The following THADA variants were observed in gnomAD, a reference collection of about 807,000 sequenced individuals.
THADA encodes tRNA (32-2'-O)-methyltransferase regulator THADA.
THADA carries 213 observed loss-of-function variants against 219.8 expected under a neutral mutation model. The ratio of observed to expected loss-of-function variants is 0.97; its 90% confidence interval spans 0.87 to 1.09. The LOEUF is 1.09. Among genes scored for constraint, THADA ranks in the 50% least tolerant of loss-of-function variants. The probability of loss-of-function intolerance (pLI) is 0.00; values close to 1 mark genes in which losing one functional copy is unlikely to be tolerated. For synonymous variants in THADA, 1,018 were observed against 828.9 expected, an observed-to-expected ratio of 1.23 and a Z score of -3.92; for missense variants, 2,956 against 2,311.3, an observed-to-expected ratio of 1.28 and a Z score of -5.72.
At chr2:43,268,639 C>T (rs765042025) in intron 36 of THADA, among the ~76,000 whole-genome samples, 12 of 152,252 alleles carry the variant, frequency 7.9e-5, no homozygotes, top group South Asian at 2.1e-4. Context: ...TCACCCTTTA[C>T]GCCTCCTTGG....
chr2:43,453,028 C>G (rs892710847), intron 26 of THADA, among the ~76,000 whole-genome samples: 3 of 152,166 alleles, frequency 2.0e-5, no homozygotes, highest in Non-Finnish European at 4.4e-5. Context: ...TGAACCGATG[C>G]TTTTTGTAAG....
intron 26 of THADA, chr2:43,430,733 C>T (rs908104920): frequency 1.1e-4 from 50 of 446,434 alleles, no homozygotes; most frequent in Middle Eastern, 6.5e-4. Context: ...CCAAATAACT[C>T]TTTGTTTCAG....
chr2:43,364,175 G>C (rs1669857292), intron 29 of THADA, among the ~76,000 whole-genome samples: 1 of 152,092 alleles, frequency 6.6e-6, no homozygotes, highest in African/African-American at 2.4e-5. Flanking sequence ...AGTGAGCCGA[G>C]ATCTGCTGCT....
At chr2:43,388,624 C>CT (rs1278251268) in intron 29 of THADA, among the ~76,000 whole-genome samples, 1 of 152,186 alleles carries the variant, frequency 6.6e-6, no homozygotes, top group East Asian at 1.9e-4. Flanking sequence ...GAATAACAAC[C>CT]TGATAGGCAA....
At chr2:43,575,607 G>A (rs982609565) in intron 10 of THADA, among the ~76,000 whole-genome samples, 2 of 152,064 alleles carry the variant, frequency 1.3e-5, no homozygotes, top group Non-Finnish European at 2.9e-5. Flanking sequence ...TGCGATCTCG[G>A]CTCACTGCAA....
intron 1 of THADA, among the ~76,000 whole-genome samples, chr2:43,593,758 C>T (rs1428276907): frequency 2.6e-5 from 4 of 151,876 alleles, no homozygotes; most frequent in African/African-American, 9.7e-5. Context: ...CTCAGCCTCC[C>T]GAGTAGCTGG....
chr2:43,311,735 A>G (rs996144566), intron 31 of THADA, among the ~76,000 whole-genome samples: 9 of 152,392 alleles, frequency 5.9e-5, no homozygotes, highest in African/African-American at 2.2e-4. Context: ...ATGTTAAGTG[A>G]AAGAATCCAC....
intron 24 of THADA, among the ~76,000 whole-genome samples, chr2:43,500,509 C>T (rs1688817655): frequency 6.6e-6 from 1 of 152,100 alleles, no homozygotes; most frequent in Non-Finnish European, 1.5e-5. Flanking sequence ...TGCAAGAATG[C>T]AAAGATAAAT....
intron 9 of THADA, among the ~76,000 whole-genome samples, 195 bp downstream of exon 9, chr2:43,578,314 CTTTT>C (rs34796084): frequency 7.1e-6 from 1 of 141,684 alleles, no homozygotes. Context: ...AGCAAATTTT[CTTTT>C]TTTTTTTTTG....
chr2:43,528,066 G>C, intron 21 of THADA, 78 bp from the exon 22 acceptor site: 12 of 913,732 alleles, frequency 1.3e-5, no homozygotes, highest in Non-Finnish European at 1.2e-5. Context: ...ACACTGTTTA[G>C]AACCCAGGTC....
intron 29 of THADA, among the ~76,000 whole-genome samples, chr2:43,347,204 G>A (rs1381269338): frequency 6.6e-6 from 1 of 152,120 alleles, no homozygotes; most frequent in Non-Finnish European, 1.5e-5. Flanking sequence ...GCGGCTTTGG[G>A]CAACTTAACC....
intron 36 of THADA, among the ~76,000 whole-genome samples, chr2:43,270,806 C>G (rs1188757374): frequency 6.6e-6 from 1 of 152,158 alleles, no homozygotes; most frequent in Non-Finnish European, 1.5e-5. Context: ...ACAAGTGTGC[C>G]TGTGAACAGC....
At chr2:43,538,273 C>T (rs998641372) in intron 21 of THADA, among the ~76,000 whole-genome samples, 2 of 152,158 alleles carry the variant, frequency 1.3e-5, no homozygotes, top group Admixed American at 6.5e-5. Flanking sequence ...ATCAACTAGT[C>T]AGGAAGTTGT....
At chr2:43,374,601 T>A (rs1671167785) in intron 29 of THADA, among the ~76,000 whole-genome samples, 1 of 152,176 alleles carries the variant, frequency 6.6e-6, no homozygotes, top group South Asian at 2.1e-4. Flanking sequence ...ATAAGAAATA[T>A]TTTTAAAATG....
Position 43,231,047 on chromosome 2 carries a change from C to G in THADA, c.5763G>C (p.Leu1921Phe), listed in dbSNP as rs940254506. 6.2e-7 allele frequency: 1 copy of G among 1,613,860 alleles called. No individual in the cohort carries two copies. The highest frequency in any genetic ancestry group is 8.5e-7 in the Non-Finnish European group (1 of 1,179,852). Residue 1921 changes from leucine to phenylalanine, a missense_variant, in exon 38 of 38, where the codon TTG becomes TTC. Transcript: ENST00000405975. ...GGGTGTCTTCCCCTTCCTTTCCTTC[C>G]AAAAAGGCCAGCAGCCTCAAGCAAG... ...TLACLRLLAFLEGKEGEDTLV... is the reference protein window; with the variant it reads ...TLACLRLLAFFEGKEGEDTLV...
chr2:43,266,357 C>T (rs1304698607), intron 36 of THADA, among the ~76,000 whole-genome samples: 3 of 152,224 alleles, frequency 2.0e-5, no homozygotes, highest in East Asian at 1.9e-4. Flanking sequence ...TTTGGGAGGC[C>T]GAGGCGGGCG....
At chr2:43,304,786 C>T (rs1676665584) in intron 31 of THADA, among the ~76,000 whole-genome samples, 1 of 152,048 alleles carries the variant, frequency 6.6e-6, no homozygotes, top group Admixed American at 6.5e-5. Flanking sequence ...GTTCTGCTGC[C>T]TCAGCCTCCC....
chr2:43,430,829 C>A (rs932046631), intron 26 of THADA, among the ~76,000 whole-genome samples: 5 of 152,154 alleles, frequency 3.3e-5, no homozygotes, highest in South Asian at 2.1e-4. Flanking sequence ...CCCTCCCCAA[C>A]AATCATGACA....
chr2:43,348,959 G>A (rs572563263), intron 29 of THADA, among the ~76,000 whole-genome samples: 6 of 152,286 alleles, frequency 3.9e-5, no homozygotes, highest in African/African-American at 1.4e-4. Flanking sequence ...AAGGGTTAGA[G>A]GTGGACATAG....
Sources: allele counts gnomAD v4.1 joint callset (sites outside exome capture counted in the v4.1 genomes callset), GRCh38; gene constraint gnomAD v4.1.1; transcripts MANE v1.5; gene names NCBI Gene and HGNC (gene_info 2026-07-23, HGNC 2026-07-21).